Variants in COLEC12 observed in about 807,000 individuals in gnomAD.
The protein encoded by COLEC12 is collectin-12.
In COLEC12, 33 loss-of-function variants were observed where a neutral mutation model predicts 71.1. The observed-to-expected ratio is 0.46, with a 90% CI of 0.35 to 0.62. The LOEUF (loss-of-function observed/expected upper bound fraction) is 0.62. Among genes scored for constraint, COLEC12 ranks in the 20% least tolerant of loss-of-function variants. The pLI, the probability that COLEC12 is intolerant of heterozygous loss-of-function variation, is 0.00. For synonymous variants in COLEC12, 350 were observed against 353.0 expected, an observed-to-expected ratio of 0.99 and a Z score of 0.10; for missense variants, 765 against 916.1, an observed-to-expected ratio of 0.84 and a Z score of 2.13.
intron 2 of COLEC12, among the ~76,000 whole-genome samples, chr18:467,652 A>G (rs1917113470): frequency 6.6e-6 from 1 of 152,218 alleles, no homozygotes; most frequent in Non-Finnish European, 1.5e-5. Context: ...GCATTTGAAT[A>G]ATTAGCTGCT....
At chr18:426,951 GAACT>G (rs1004752475) in intron 2 of COLEC12, among the ~76,000 whole-genome samples, 20 of 152,288 alleles carry the variant, frequency 1.3e-4, no homozygotes, top group African/African-American at 4.6e-4. Flanking sequence ...GCAATATATG[GAACT>G]AAATAACTTC....
chr18:368,665 C>G (rs1178500103), intron 2 of COLEC12, among the ~76,000 whole-genome samples: 1 of 151,848 alleles, frequency 6.6e-6, no homozygotes, highest in Non-Finnish European at 1.5e-5. Flanking sequence ...GAGATCGAGA[C>G]CAGCCTGGCT....
At chr18:429,371 T>A (rs563767364) in intron 2 of COLEC12, among the ~76,000 whole-genome samples, 1 of 151,170 alleles carries the variant, frequency 6.6e-6, no homozygotes, top group African/African-American at 2.4e-5. Flanking sequence ...TTTTTTCATG[T>A]AATTCTTTTT....
chr18:496,610 G>C (rs1299569664), intron 1 of COLEC12, among the ~76,000 whole-genome samples: 1 of 152,200 alleles, frequency 6.6e-6, no homozygotes, highest in Non-Finnish European at 1.5e-5. Flanking sequence ...AAAAGACTGT[G>C]AGTCCCAAAA....
chr18:431,859 C>T (rs1916310909), intron 2 of COLEC12, among the ~76,000 whole-genome samples: 1 of 152,174 alleles, frequency 6.6e-6, no homozygotes, highest in South Asian at 2.1e-4. Context: ...TGAACTCTTG[C>T]CATGTGCCAG....
At chr18:494,213 G>T (rs1917669400) in intron 1 of COLEC12, among the ~76,000 whole-genome samples, 1 of 152,056 alleles carries the variant, frequency 6.6e-6, no homozygotes, top group Non-Finnish European at 1.5e-5. Flanking sequence ...CTATCCCTGA[G>T]GTCTGTTTTA....
rs985056561 is a variant in COLEC12, at chr18:351,894, G to A, written c.182-3731C>T. 2.6e-5 allele frequency among the ~76,000 whole-genome samples: 4 copies of A among 152,236 alleles called. No individual in the cohort carries two copies. In the South Asian group the frequency reaches 6.2e-4, roughly 24 times the overall value. On this transcript the variant is annotated intron_variant, in intron 3 of 9. Transcript: ENST00000400256. ...GGGGTTTCTCTATGTTGGCCAGGCT[G>A]GTCTCGAACTCCTGACCTCAGATGA...
At chr18:369,284 C>G (rs1388363945) in intron 2 of COLEC12, among the ~76,000 whole-genome samples, 2 of 152,174 alleles carry the variant, frequency 1.3e-5, no homozygotes, top group African/African-American at 4.8e-5. Flanking sequence ...AAGAACTAAT[C>G]TGTCCATATA....
intron 2 of COLEC12, among the ~76,000 whole-genome samples, chr18:469,925 A>C (rs1390071455): frequency 6.6e-6 from 1 of 152,184 alleles, no homozygotes; most frequent in African/African-American, 2.4e-5. Flanking sequence ...AGATGAATTA[A>C]TAAGTATTGA....
chr18:447,119 T>G (rs930271595), intron 2 of COLEC12, among the ~76,000 whole-genome samples: 2 of 152,200 alleles, frequency 1.3e-5, no homozygotes, highest in Non-Finnish European at 2.9e-5. Flanking sequence ...GTGGAATCTC[T>G]CCCTATGAAA....
In COLEC12 at chr18:362,740, G is replaced by A. The variant is rs1914774256; in HGVS notation, c.59-5218C>T. On this transcript the variant is annotated intron_variant, in intron 2 of 9. Transcript: ENST00000400256. The surrounding 1 kb of genome is among the most constrained non-coding windows in gnomAD (Gnocchi z 4.6). ...GCCAATAGCACATTTGAAATTCAGAGGCCTACAGGCAGCAAGGACCTGAAG... is the reference window on the plus strand; with the variant it reads ...GCCAATAGCACATTTGAAATTCAGAAGCCTACAGGCAGCAAGGACCTGAAG... Among the ~76,000 whole-genome samples the A allele has an allele frequency of 6.6e-6, 1 of 152,106 alleles. No homozygotes were observed.
intron 1 of COLEC12, among the ~76,000 whole-genome samples, chr18:492,503 A>C (rs959856293): frequency 1.3e-5 from 2 of 152,170 alleles, no homozygotes; most frequent in African/African-American, 4.8e-5. Context: ...TTCATAGGTG[A>C]TTATGGTGGA....
intron 2 of COLEC12, among the ~76,000 whole-genome samples, chr18:383,634 G>A (rs1222517306): frequency 2.0e-5 from 3 of 152,038 alleles, no homozygotes; most frequent in Admixed American, 2.0e-4. Flanking sequence ...TCAACAATAG[G>A]TTGTAACCTC....
chr18:413,686 G>A (rs7231012), intron 2 of COLEC12, among the ~76,000 whole-genome samples: 83,749 of 152,038 alleles, frequency 0.55, 23,674 homozygotes, highest in South Asian at 0.62. Context: ...GCATCTGTAC[G>A]TGAATGTTTA....
intron 8 of COLEC12, among the ~76,000 whole-genome samples, chr18:323,207 CAG>C (rs1172091293): frequency 6.6e-6 from 1 of 152,166 alleles, no homozygotes; most frequent in East Asian, 1.9e-4. Context: ...GCCTGGGTGA[CAG>C]AGCGAGGCTC....
At chr18:498,200 T>G (rs892567671) in intron 1 of COLEC12, among the ~76,000 whole-genome samples, 4 of 152,110 alleles carry the variant, frequency 2.6e-5, no homozygotes, top group Non-Finnish European at 5.9e-5. Context: ...GAGGATTAAT[T>G]GCAATGTGTT....
intron 2 of COLEC12, among the ~76,000 whole-genome samples, chr18:390,890 AC>A (rs1915449342): frequency 6.6e-6 from 1 of 151,310 alleles, no homozygotes; most frequent in Admixed American, 6.6e-5. Flanking sequence ...AGCAGCAAGC[AC>A]ACGGGCACAG....
chr18:418,779 C>G (rs1469440242), intron 2 of COLEC12, among the ~76,000 whole-genome samples: 1 of 152,240 alleles, frequency 6.6e-6, no homozygotes, highest in African/African-American at 2.4e-5. Context: ...TAATCCACCC[C>G]TTGTTGAGCA....
chr18:494,808 C>T (rs1486689036), intron 1 of COLEC12, among the ~76,000 whole-genome samples: 3 of 152,138 alleles, frequency 2.0e-5, no homozygotes, highest in African/African-American at 7.2e-5. Flanking sequence ...GAGTTTTTCA[C>T]ACCAAATGTA....
Sources: allele counts gnomAD v4.1 joint callset (sites outside exome capture counted in the v4.1 genomes callset), GRCh38; gene constraint gnomAD v4.1.1; non-coding constraint Gnocchi (gnomAD v3.1); transcripts MANE v1.5; gene names NCBI Gene and HGNC (gene_info 2026-07-23, HGNC 2026-07-21).